MAP4K4: variants seen among roughly 807,000 people sequenced by gnomAD.
The protein encoded by MAP4K4 is HPK/GCK-like kinase HGK.
Under a neutral mutation model 189.6 loss-of-function variants are expected in MAP4K4, and 38 were observed. That is an observed-to-expected ratio of 0.20 (90% CI 0.15 to 0.26). The LOEUF (loss-of-function observed/expected upper bound fraction) is 0.26. Among genes scored for constraint, MAP4K4 ranks in the 10% least tolerant of loss-of-function variants. MAP4K4 has a pLI of 1.00. For synonymous variants in MAP4K4, 610 were observed against 624.3 expected (o/e 0.98, Z 0.34); for missense variants, 1,054 against 1,726.9 (o/e 0.61, Z 6.91).
chr2:101,746,057 C>G (rs1341112550), intron 2 of MAP4K4, among the ~76,000 whole-genome samples: 1 of 151,392 alleles, frequency 6.6e-6, no homozygotes, highest in East Asian at 1.9e-4. Flanking sequence ...GTGATGTGAT[C>G]ATAACTCACT....
intron 20 of MAP4K4, 72 bp from the exon 21 acceptor site, chr2:101,867,957 G>A (rs935875634): frequency 2.1e-5 from 31 of 1,498,828 alleles, no homozygotes; most frequent in African/African-American, 2.8e-5. Context: ...TCTTTCTCCC[G>A]CGCTTCCTTG....
intron 2 of MAP4K4, among the ~76,000 whole-genome samples, chr2:101,754,346 T>C (rs1197117605): frequency 6.9e-4 from 10 of 14,566 alleles, no homozygotes; most frequent in African/African-American, 2.0e-3. Flanking sequence ...TTGCTGTTTT[T>C]TTTTTTTTTT....
intron 3 of MAP4K4, among the ~76,000 whole-genome samples, chr2:101,823,295 C>T (rs1457773735): frequency 6.6e-6 from 1 of 152,160 alleles, no homozygotes; most frequent in East Asian, 1.9e-4. Context: ...AGGAGAGGAG[C>T]CAAGTCTGAA....
At chr2:101,756,686 C>G (rs988857188) in intron 2 of MAP4K4, among the ~76,000 whole-genome samples, 8 of 151,566 alleles carry the variant, frequency 5.3e-5, no homozygotes, top group Admixed American at 3.3e-4. Context: ...TCCTGAGTAG[C>G]TGGGACTGCA....
chr2:101,838,734 A>G (rs2096835778), intron 9 of MAP4K4, among the ~76,000 whole-genome samples: 1 of 152,240 alleles, frequency 6.6e-6, no homozygotes, highest in African/African-American at 2.4e-5. Context: ...TGATACGTAA[A>G]TATTTGTTGA....
intron 5 of MAP4K4, among the ~76,000 whole-genome samples, chr2:101,825,984 T>A (rs982526517): frequency 2.6e-5 from 4 of 152,224 alleles, no homozygotes; most frequent in Non-Finnish European, 5.9e-5. Flanking sequence ...ATGGTTCTTT[T>A]GAGTAGTAAA....
chr2:101,783,622 A>G (rs756951225), intron 2 of MAP4K4, among the ~76,000 whole-genome samples: 1 of 152,208 alleles, frequency 6.6e-6, no homozygotes, highest in Non-Finnish European at 1.5e-5. Flanking sequence ...TGACATGCCT[A>G]ATAGAAAAAC....
At chr2:101,722,150 T>C (rs2052542152) in intron 2 of MAP4K4, among the ~76,000 whole-genome samples, 1 of 152,194 alleles carries the variant, frequency 6.6e-6, no homozygotes, top group East Asian at 1.9e-4. Flanking sequence ...AGTCTCACTA[T>C]AAAGCAGAGA....
At chr2:101,803,777 T>G (rs1470528957) in intron 3 of MAP4K4, among the ~76,000 whole-genome samples, 1 of 152,244 alleles carries the variant, frequency 6.6e-6, no homozygotes, top group Admixed American at 6.5e-5. Flanking sequence ...TCTGATTGTT[T>G]AATTAGAGAA....
At chr2:101,869,076 TATTA>T (rs2097904565) in intron 21 of MAP4K4, among the ~76,000 whole-genome samples, 1 of 151,942 alleles carries the variant, frequency 6.6e-6, no homozygotes, top group Non-Finnish European at 1.5e-5. Context: ...TTTAGTAAAA[TATTA>T]ATATTTATTA....
chr2:101,740,974 A>G (rs1242792937), intron 2 of MAP4K4, among the ~76,000 whole-genome samples: 1 of 152,100 alleles, frequency 6.6e-6, no homozygotes, highest in Non-Finnish European at 1.5e-5. Flanking sequence ...TGTTACTCTC[A>G]TTGCTACAAA....
chr2:101,736,768 T>C (rs1234942097), intron 2 of MAP4K4, among the ~76,000 whole-genome samples: 1 of 152,210 alleles, frequency 6.6e-6, no homozygotes, highest in Non-Finnish European at 1.5e-5. Context: ...TGCCAGAATG[T>C]AAGTTCTGGG....
At chr2:101,844,406 C>G in intron 12 of MAP4K4, 95 bp downstream of exon 12, 1 of 999,428 alleles carries the variant, frequency 1.0e-6, no homozygotes. Flanking sequence ...CTGTAGCTTC[C>G]TGGGGTAATA....
At chr2:101,842,776 A>T in intron 11 of MAP4K4, 95 bp downstream of exon 11, 1 of 821,492 alleles carries the variant, frequency 1.2e-6, no homozygotes, top group South Asian at 2.1e-5. Flanking sequence ...TGGTACAAAG[A>T]ATCTTAAATT....
At chr2:101,727,225 G>T (rs2055931703) in intron 2 of MAP4K4, among the ~76,000 whole-genome samples, 1 of 152,180 alleles carries the variant, frequency 6.6e-6, no homozygotes, top group African/African-American at 2.4e-5. Context: ...AACATGTTTG[G>T]ATGGTGTAGA....
At chr2:101,819,769 A>G (rs2149278916) in intron 3 of MAP4K4, among the ~76,000 whole-genome samples, 1 of 152,312 alleles carries the variant, frequency 6.6e-6, no homozygotes, top group East Asian at 1.9e-4. Flanking sequence ...ACTTGATTAT[A>G]TTTTAGTTGT....
At position 101,859,003 on chromosome 2, in the gene MAP4K4, T is replaced by TC; in HGVS notation, c.1404dup (p.Arg469GlnfsTer59). The TC allele has an allele frequency of 6.2e-7, 1 of 1,611,502 alleles. No individual in the cohort carries two copies. The highest frequency in any genetic ancestry group is 8.5e-7 in the Non-Finnish European group (1 of 1,178,330). ...GTGATTTCTGTGTGACAGGAGTATA[T>TC]CAGGCGACAGCTAGAAGAGGAGCAG... On this transcript the variant is annotated frameshift_variant, in exon 14 of 33. Coordinates refer to ENST00000324219, the Ensembl canonical transcript of MAP4K4. LOFTEE classifies it high-confidence loss of function.
At chr2:101,740,172 G>A (rs1031904906) in intron 2 of MAP4K4, among the ~76,000 whole-genome samples, 4 of 11,568 alleles carry the variant, frequency 3.5e-4, no homozygotes, top group African/African-American at 1.8e-3. Context: ...TTTTTTTTTT[G>A]AGACGGAGTC....
chr2:101,887,980 C>G (rs1316480454), intron 31 of MAP4K4, 43 bp downstream of exon 31: 2 of 1,518,292 alleles, frequency 1.3e-6, no homozygotes, highest in African/African-American at 2.8e-5. Context: ...GAAAATGGAG[C>G]CGTGTCTGAG....
Sources: gnomAD v4.1 joint callset for allele counts (sites outside exome capture counted in the v4.1 genomes callset) on GRCh38, gnomAD v4.1.1 for gene constraint, MANE v1.5 for transcripts, NCBI Gene and HGNC (gene_info 2026-07-23, HGNC 2026-07-21) for gene names.